Variants in ITPA observed in about 807,000 individuals in gnomAD.
ITPA encodes inosine triphosphate pyrophosphatase.
ITPA carries 29 observed loss-of-function variants against 29.6 expected under a neutral mutation model. The observed-to-expected ratio is 0.98, with a 90% CI of 0.73 to 1.34. ITPA has a LOEUF of 1.34. ITPA is among the 40% of genes most tolerant of loss of function. ITPA has a pLI of 0.00. For synonymous variants in ITPA, 103 were observed against 99.3 expected (o/e 1.04, Z -0.22); for missense variants, 241 against 251.5 (o/e 0.96, Z 0.28).
At chr20:3,212,640 AG>A (rs144598771) in intron 1 of ITPA, among the ~76,000 whole-genome samples, 14,602 of 152,288 alleles carry the variant, frequency 0.096, 830 homozygotes, top group Non-Finnish European at 0.13. Context: ...TAAAATATCA[AG>A]ATAAATGATA....
chr20:3,207,696 A>AAACAACAAC (rs369887745), upstream of ITPA, among the ~76,000 whole-genome samples: 337 of 150,688 alleles, frequency 2.2e-3, 2 homozygotes, highest in African/African-American at 5.8e-3. Flanking sequence ...CTCCATCTCA[A>AAACAACAAC]AACAACAACA....
At chr20:3,225,346 G>A (rs571995105), downstream of ITPA, among the ~76,000 whole-genome samples, 1 of 152,288 alleles carries the variant, frequency 6.6e-6, no homozygotes, top group Non-Finnish European at 1.5e-5. Context: ...GAAAGACCAA[G>A]ACAGGACTAG....
chr20:3,213,146 T>C (rs1321285426), intron 1 of ITPA, 23 bp from the exon 2 acceptor site: 1 of 1,609,112 alleles, frequency 6.2e-7, no homozygotes, highest in Non-Finnish European at 8.5e-7. Flanking sequence ...TGGTGATAAG[T>C]GTTCTCTTTT....
At chr20:3,213,464 G>A in intron 3 of ITPA, 81 bp downstream of exon 3, 2 of 1,541,836 alleles carry the variant, frequency 1.3e-6, no homozygotes, top group South Asian at 2.2e-5. Context: ...AAACAATAGA[G>A]TAGACACAGT....
upstream of ITPA, chr20:3,204,426 G>A (rs927187786): frequency 5.2e-6 from 6 of 1,148,192 alleles, no homozygotes; most frequent in Admixed American, 2.4e-5. Flanking sequence ...ACGCGCATGC[G>A]TCCCGCCCGC....
In ITPA at chr20:3,223,416, G is replaced by A. The variant is rs567048681; in HGVS notation, c.539G>A (p.Arg180Gln). 69 of 1,613,870 alleles carry A rather than the reference G, an allele frequency of 4.3e-5. 2 individuals are homozygous for A. The South Asian group carries it at 5.2e-4, about 12-fold the overall frequency. The stretch of plus-strand genomic sequence containing the variant: ...AAGAACGCTGTCTCCCATCGCTTCC[G>A]GGCCCTGCTGGAGCTGCAGGAGTAC... ...AEKNAVSHRF[R>Q]ALLELQEYFG... Residue 180 changes from arginine (R) to glutamine (Q), a missense_variant, in exon 8 of 8, where the codon CGG becomes CAG. Physicochemically the swap from Arg to Gln is conservative, Grantham distance 43. Coordinates refer to ENST00000380113, the MANE Select transcript of ITPA (RefSeq NM_033453.4).
intron 1 of ITPA, among the ~76,000 whole-genome samples, chr20:3,212,120 G>T (rs188982232): frequency 6.6e-6 from 1 of 152,092 alleles, no homozygotes; most frequent in African/African-American, 2.4e-5. Flanking sequence ...CTAGTGAGCT[G>T]TGTTTGTGCC....
downstream of ITPA, among the ~76,000 whole-genome samples, chr20:3,224,519 C>T (rs1227045501): frequency 6.6e-6 from 1 of 152,196 alleles, no homozygotes; most frequent in African/African-American, 2.4e-5. Flanking sequence ...GCAGGACGGC[C>T]CTGGGTGAGG....
chr20:3,208,351 C>T (rs1310845972), upstream of ITPA, among the ~76,000 whole-genome samples: 1 of 152,124 alleles, frequency 6.6e-6, no homozygotes, highest in Non-Finnish European at 1.5e-5. Context: ...GAAAACAGGT[C>T]ACCACCCAAA....
upstream of ITPA, chr20:3,209,445 A>C (rs372802171): frequency 1.3e-4 from 138 of 1,072,946 alleles, no homozygotes; most frequent in Admixed American, 1.1e-3. This position sits in a 1 kb window ranked among gnomAD's most constrained non-coding sequence, Gnocchi z 4.6. Flanking sequence ...TTTCCCCGGG[A>C]CCCCTGGCCG....
intron 6 of ITPA, chr20:3,219,123 T>C (rs6037506): frequency 0.61 from 97,190 of 159,412 alleles, 30,428 homozygotes; most frequent in African/African-American, 0.73. Flanking sequence ...ATTTCCTTAT[T>C]CAACTGCCAA....
chr20:3,207,288 A>AC (rs1461670415), upstream of ITPA, among the ~76,000 whole-genome samples: 1 of 152,054 alleles, frequency 6.6e-6, no homozygotes, highest in Non-Finnish European at 1.5e-5. Flanking sequence ...ACTGGGTTTC[A>AC]CCATGTTGTC....
At chr20:3,207,716 A>ACAACAACAACAACAACAACAG (rs1376786704), upstream of ITPA, among the ~76,000 whole-genome samples, 1 of 151,236 alleles carries the variant, frequency 6.6e-6, no homozygotes, top group Non-Finnish European at 1.5e-5. Context: ...AACAACAACA[A>ACAACAACAACAACAACAACAG]CAAAACACAG....
intron 5 of ITPA, among the ~76,000 whole-genome samples, chr20:3,217,922 G>GT (rs2067347696): frequency 6.8e-6 from 1 of 147,110 alleles, no homozygotes; most frequent in African/African-American, 2.5e-5. Flanking sequence ...TTTTGTTTTT[G>GT]TTTTTTCTTT....
At position 3,209,612 on chromosome 20, in the gene ITPA, G is replaced by C; in HGVS notation, c.61G>C (p.Glu21Gln). The change falls in exon 1 of 8, where the codon GAG becomes CAG. Residue 21 changes from glutamate (E) to glutamine (Q), a missense_variant. Physicochemically the swap from Glu to Gln is conservative, Grantham distance 29. Transcript: ENST00000380113. The surrounding 1 kb of genome is among the most constrained non-coding windows in gnomAD (Gnocchi z 4.6). ...VFVTGNAKKL[E>Q]EVVQILGDKF... ...TGTAACGGGGAACGCCAAGAAGCTG[G>C]AGGAGGTGCCGGGAGGGTGTTGGGG... 6.2e-7 allele frequency: 1 copy of C among 1,614,046 alleles called. No individual in the cohort carries two copies. The highest frequency in any genetic ancestry group is 1.3e-5 in the African/African-American group (1 of 75,044).
upstream of ITPA, chr20:3,204,717 A>G (rs1555771622): frequency 2.5e-5 from 33 of 1,309,054 alleles, no homozygotes; most frequent in East Asian, 8.1e-4. Flanking sequence ...GACTCCGCCC[A>G]CTACTCGGAG....
At chr20:3,217,953 T>G (rs2122383662) in intron 5 of ITPA, among the ~76,000 whole-genome samples, 1 of 150,982 alleles carries the variant, frequency 6.6e-6, no homozygotes, top group Non-Finnish European at 1.5e-5. Context: ...AGTCTCGCTC[T>G]GTCGCCCAGG....
chr20:3,217,423 A>G (rs1329601792), intron 5 of ITPA, among the ~76,000 whole-genome samples: 1 of 152,102 alleles, frequency 6.6e-6, no homozygotes, highest in Non-Finnish European at 1.5e-5. Flanking sequence ...CAAATCACAG[A>G]CATCATATCA....
At chr20:3,210,816 TGAG>T (rs1254921097) in intron 1 of ITPA, among the ~76,000 whole-genome samples, 1 of 151,944 alleles carries the variant, frequency 6.6e-6, no homozygotes, top group Admixed American at 6.6e-5. Flanking sequence ...TTTGGGAGGC[TGAG>T]GTGGGCAGAA....
Sources: allele counts gnomAD v4.1 joint callset (sites outside exome capture counted in the v4.1 genomes callset), GRCh38; gene constraint gnomAD v4.1.1; non-coding constraint Gnocchi (gnomAD v3.1); transcripts MANE v1.5; gene names NCBI Gene and HGNC (gene_info 2026-07-23, HGNC 2026-07-21).